The following BCOR variants were observed in gnomAD, a reference collection of about 807,000 sequenced individuals.
BCOR encodes BCL6 corepressor, also known as BCL-6 corepressor.
A neutral mutation model predicts 86.7 loss-of-function variants in BCOR; 10 were observed. That is an observed-to-expected ratio of 0.12 (90% CI 0.07 to 0.20). The LOEUF (loss-of-function observed/expected upper bound fraction) is 0.20, where lower values mean the gene tolerates loss of function less well. Among genes scored for constraint, BCOR ranks in the 10% least tolerant of loss-of-function variants. The pLI is 1.00. For synonymous variants in BCOR, 611 were observed against 609.0 expected (o/e 1.00, Z -0.05); for missense variants, 1,259 against 1,452.1 (o/e 0.87, Z 2.16).
At chrX:40,071,561 C>T in intron 5 of BCOR, 76 bp downstream of exon 5, 2 of 769,185 alleles carry the variant, frequency 2.6e-6, no homozygotes, top group Non-Finnish European at 4.0e-6. Flanking sequence ...ACAAACTTCC[C>T]TTTGTATATT....
intron 1 of BCOR, among the ~76,000 whole-genome samples, chrX:40,169,703 TC>T (rs1938579992): frequency 9.0e-6 from 1 of 110,714 alleles, no homozygotes; most frequent in African/African-American, 3.3e-5. Context: ...TTTACGCAGA[TC>T]GAGTCGCCCA....
Position 40,155,109 on chromosome X carries a change from G to C in BCOR, c.-41+21898C>G, listed in dbSNP as rs867231916. Among the ~76,000 whole-genome samples the C allele has an allele frequency of 5.5e-4, 61 of 111,347 alleles. No homozygotes were observed. In the South Asian group the frequency reaches 6.0e-3, roughly 11 times the overall value. ...CGGGGCGGGCTTAACCAGGCCGCTC[G>C]ACTGAGCCGGGGCCACCTCGCCGTC... On this transcript the variant is annotated intron_variant, in intron 1 of 14. Coordinates refer to the BCOR transcript ENST00000342274.
intron 1 of BCOR, among the ~76,000 whole-genome samples, chrX:40,147,828 G>T (rs1938093506): frequency 1.8e-5 from 2 of 113,001 alleles, no homozygotes; most frequent in South Asian, 7.1e-4. Flanking sequence ...CAGACTCTTG[G>T]CATGACTTCC....
chrX:40,074,106 C>T lies in BCOR; in HGVS notation c.1240G>A (p.Ala414Thr). The change falls in exon 4 of 15, where the codon GCG (alanine) becomes ACG (threonine). Residue 414 changes from alanine (A) to threonine (T), a missense_variant. Coordinates refer to ENST00000378444, the MANE Select transcript of BCOR (RefSeq NM_001123385.2). ...CTGCCATCTTTTCTGTCTTGAACCG[C>T]TGTCTTCCGGGCATGCCCGGGCACT... ...QPVPGHARKT[A>T]VQDRKDGSSP... The T allele has an allele frequency of 1.6e-6, 2 of 1,212,436 alleles. No homozygotes were observed. The highest frequency in any genetic ancestry group is 2.2e-6 in the Non-Finnish European group (2 of 895,633).
rs769388320 is a variant in BCOR at position 40,160,634 on chromosome X, ATTTC to A, written c.-41+16369_-41+16372del. ...TTGGAGTTGTTTAATTTTGATTGGA[ATTTC>A]TTTCTTCAGATGATCCTCTACTTTT... On this transcript the variant is annotated intron_variant, in intron 1 of 14. Transcript: ENST00000342274. Among the ~76,000 whole-genome samples the A allele has an allele frequency of 5.7e-4, 55 of 96,475 alleles. 1 individual carries two copies. Among genetic ancestry groups the A allele is most frequent in the African/African-American group, 2.0e-3 (53 of 26,174 alleles). 83.8% of individuals were successfully genotyped at this position (96,475 alleles called of 115,157 possible).
chrX:40,145,118 C>G (rs7055999), intron 1 of BCOR, among the ~76,000 whole-genome samples: 3,740 of 110,826 alleles, frequency 0.034, 142 homozygotes, highest in African/African-American at 0.12. Context: ...TGGAAGAGGA[C>G]TGCACGGAGC....
chrX:40,081,891 A>G lies in BCOR; in HGVS notation c.-40-3922T>C, dbSNP rs142931439. On this transcript the variant is annotated intron_variant, in intron 1 of 14. Coordinates refer to ENST00000378444, the MANE Select transcript of BCOR (RefSeq NM_001123385.2). The stretch of plus-strand genomic sequence containing the variant: ...GCTGCCTGCAGGAACACCCAGGGCC[A>G]AGTGGAGAGACCTGGCTTGTGAGAA... Among the ~76,000 whole-genome samples the G allele has an allele frequency of 5.0e-3, 568 of 112,558 alleles. 3 individuals are homozygous for G. Among genetic ancestry groups the G allele is most frequent in the African/African-American group, 0.018 (551 of 30,975 alleles).
chrX:40,125,371 C>T (rs757596629), intron 1 of BCOR, among the ~76,000 whole-genome samples: 1 of 111,710 alleles, frequency 9.0e-6, no homozygotes, highest in African/African-American at 3.3e-5. Flanking sequence ...GTAGCTGGGA[C>T]TACAGGTGCA....
intron 1 of BCOR, among the ~76,000 whole-genome samples, chrX:40,125,356 C>T (rs575495700): frequency 3.2e-4 from 36 of 111,828 alleles, no homozygotes; most frequent in African/African-American, 1.2e-3. Context: ...GCCTCAGCCT[C>T]CCTAGTAGCT....
intron 1 of BCOR, among the ~76,000 whole-genome samples, chrX:40,132,192 G>A (rs937682193): frequency 1.1e-4 from 12 of 111,933 alleles, no homozygotes; most frequent in African/African-American, 3.9e-4. Context: ...GTGCCATCTC[G>A]GATATCCTTC....
At chrX:40,071,775 T>G in intron 4 of BCOR, 85 bp from the exon 5 acceptor site, 2 of 660,261 alleles carry the variant, frequency 3.0e-6, no homozygotes, top group Non-Finnish European at 4.9e-6. Flanking sequence ...TTTCTTAACA[T>G]TGCAAAACAA....
rs1165669419 is a variant in BCOR, at chrX:40,073,472, C to T, written c.1874G>A (p.Ser625Asn). The T allele has an allele frequency of 8.2e-7, 1 of 1,212,312 alleles. No homozygotes were observed. The highest frequency in any genetic ancestry group is 1.1e-6 in the Non-Finnish European group (1 of 895,674). ...KGAKASNPEP[S>N]FKANENGLPP... ...AAGGCCGTTCTCGTTTGCTTTGAAA[C>T]TCGGTTCTGGGTTGCTGGCTTTGGC... Residue 625 changes from serine to asparagine, a missense_variant, in exon 4 of 15, where the codon AGT becomes AAT. Ser to Asn is a conservative substitution (Grantham distance 46, BLOSUM62 1). Coordinates refer to ENST00000378444, the MANE Select transcript of BCOR (RefSeq NM_001123385.2).
chrX:40,066,339 G>A (rs188259727), intron 6 of BCOR, among the ~76,000 whole-genome samples: 2 of 111,604 alleles, frequency 1.8e-5, no homozygotes, highest in East Asian at 5.7e-4. Flanking sequence ...GCTTGGCCTG[G>A]GGACGCAAAG....
At chrX:40,080,827 T>A (rs960001933) in intron 1 of BCOR, among the ~76,000 whole-genome samples, 1 of 63,032 alleles carries the variant, frequency 1.6e-5, no homozygotes, top group Non-Finnish European at 2.4e-5. Flanking sequence ...TGTGTGTGTG[T>A]GTGTGTGTGT....
chrX:40,141,116 G>A (rs1001657860), intron 1 of BCOR, among the ~76,000 whole-genome samples: 1 of 112,654 alleles, frequency 8.9e-6, no homozygotes, highest in Non-Finnish European at 1.9e-5. Context: ...CTGCCAAGGG[G>A]CAGCAGGGCT....
chrX:40,176,735 C>A (rs1307449202), intron 1 of BCOR, among the ~76,000 whole-genome samples: 4 of 111,804 alleles, frequency 3.6e-5, no homozygotes, highest in African/African-American at 1.3e-4. Flanking sequence ...CAGAGTCAGC[C>A]GGTTCCACCT....
chrX:40,174,205 C>T (rs1055444036), intron 1 of BCOR, among the ~76,000 whole-genome samples: 3 of 112,769 alleles, frequency 2.7e-5, no homozygotes, highest in African/African-American at 9.7e-5. Context: ...TGGCAGTGCG[C>T]TCTAGCTCTC....
intron 1 of BCOR, among the ~76,000 whole-genome samples, chrX:40,105,434 G>A (rs1188239065): frequency 8.9e-6 from 1 of 112,285 alleles, no homozygotes; most frequent in Non-Finnish European, 1.9e-5. Context: ...CTGGCCGCGC[G>A]TCACCCCTGA....
intron 1 of BCOR, among the ~76,000 whole-genome samples, chrX:40,145,919 T>C (rs1307161869): frequency 1.8e-5 from 2 of 111,640 alleles, no homozygotes; most frequent in African/African-American, 6.5e-5. Context: ...CGGGCCTCTG[T>C]TGCCCGGCTA....
Sources: gnomAD v4.1 joint callset for allele counts (sites outside exome capture counted in the v4.1 genomes callset) on GRCh38, gnomAD v4.1.1 for gene constraint, MANE v1.5 for transcripts, NCBI Gene and HGNC (gene_info 2026-07-23, HGNC 2026-07-21) for gene names.